Variants in CEMIP observed in about 807,000 individuals in gnomAD.
CEMIP encodes the protein cell migration-inducing and hyaluronan-binding protein.
A neutral mutation model predicts 156.9 loss-of-function variants in CEMIP; 105 were observed. The ratio of observed to expected loss-of-function variants is 0.67; its 90% CI spans 0.57 to 0.79. The LOEUF (loss-of-function observed/expected upper bound fraction) is 0.79, where lower values mean the gene tolerates loss of function less well. Ranked by LOEUF, CEMIP falls within the 30% of genes least tolerant of loss-of-function variation. CEMIP has a pLI of 0.00. For missense variants in CEMIP, 1,457 were observed against 1,769.4 expected, an observed-to-expected ratio of 0.82 and a Z score of 3.17; for synonymous variants, 676 against 668.4, an observed-to-expected ratio of 1.01 and a Z score of -0.17.
intron 1 of CEMIP, among the ~76,000 whole-genome samples, chr15:80,848,344 C>A (rs1231757248): frequency 1.3e-5 from 2 of 152,180 alleles, no homozygotes; most frequent in Non-Finnish European, 2.9e-5. Context: ...TAGTTCTGGA[C>A]AGCCGCCCCT....
intron 1 of CEMIP, among the ~76,000 whole-genome samples, chr15:80,800,061 G>GTGTGTA (rs1896338748): frequency 6.6e-6 from 1 of 150,954 alleles, no homozygotes; most frequent in African/African-American, 2.4e-5. Flanking sequence ...GTGTGTGTGT[G>GTGTGTA]TAGACGGGAT....
chr15:80,857,486 GAA>G (rs1897881158), intron 1 of CEMIP, among the ~76,000 whole-genome samples: 1 of 152,196 alleles, frequency 6.6e-6, no homozygotes, highest in African/African-American at 2.4e-5. Flanking sequence ...AAGGAGAATG[GAA>G]AGAGATGCAC....
chr15:80,837,810 A>G (rs1464979878), intron 1 of CEMIP, among the ~76,000 whole-genome samples: 1 of 152,248 alleles, frequency 6.6e-6, no homozygotes, highest in Non-Finnish European at 1.5e-5. Context: ...CATGGTATAG[A>G]CATGGGCAGT....
intron 5 of CEMIP, among the ~76,000 whole-genome samples, chr15:80,880,491 C>T (rs1246475758): frequency 3.3e-5 from 5 of 152,202 alleles, no homozygotes; most frequent in Non-Finnish European, 5.9e-5. Context: ...GGCTGGAGTG[C>T]AGTGGCATGA....
chr15:80,893,101 C>T (rs1353792665), intron 10 of CEMIP, among the ~76,000 whole-genome samples: 12 of 151,928 alleles, frequency 7.9e-5, no homozygotes, highest in Non-Finnish European at 1.6e-4. Context: ...GCAGAAGAAT[C>T]GCTTGAACAG....
At chr15:80,887,445 A>G (rs1232138649) in intron 7 of CEMIP, among the ~76,000 whole-genome samples, 1 of 152,130 alleles carries the variant, frequency 6.6e-6, no homozygotes, top group Non-Finnish European at 1.5e-5. Flanking sequence ...GCCAGAATGG[A>G]GCTGAAGAGG....
At chr15:80,927,820 T>C (rs771347557) in intron 19 of CEMIP, among the ~76,000 whole-genome samples, 6 of 152,040 alleles carry the variant, frequency 3.9e-5, no homozygotes, top group Non-Finnish European at 8.8e-5. Context: ...GAGATAAGAC[T>C]CAGGAAGTTT....
chr15:80,923,653 G>C (rs1008414737), intron 17 of CEMIP, among the ~76,000 whole-genome samples: 1 of 152,220 alleles, frequency 6.6e-6, no homozygotes, highest in Non-Finnish European at 1.5e-5. Context: ...GGATGGATTC[G>C]ATTGTCTAAG....
intron 1 of CEMIP, among the ~76,000 whole-genome samples, chr15:80,867,114 G>A (rs1046355513): frequency 3.3e-5 from 5 of 152,184 alleles, no homozygotes; most frequent in African/African-American, 1.2e-4. Context: ...GGGTGAACTA[G>A]ATCCTTGCTG....
chr15:80,797,653 G>A (rs1896265165), intron 1 of CEMIP, among the ~76,000 whole-genome samples: 1 of 31,268 alleles, frequency 3.2e-5, no homozygotes, highest in African/African-American at 8.6e-5. Context: ...CTAACACACG[G>A]TTCTTTAGCT....
At chr15:80,936,355 T>A (rs2141959777) in intron 23 of CEMIP, among the ~76,000 whole-genome samples, 1 of 152,350 alleles carries the variant, frequency 6.6e-6, no homozygotes, top group East Asian at 1.9e-4. Context: ...TCCGTCCACA[T>A]CTCTGTCCTT....
chr15:80,804,836 G>A (rs1040191515), intron 1 of CEMIP, among the ~76,000 whole-genome samples: 1 of 152,178 alleles, frequency 6.6e-6, no homozygotes, highest in Admixed American at 6.5e-5. Flanking sequence ...TAGGGGACAA[G>A]CAAAAGGGCC....
chr15:80,929,247 T>G, intron 21 of CEMIP, 73 bp downstream of exon 21: 1 of 1,551,298 alleles, frequency 6.4e-7, no homozygotes, highest in African/African-American at 1.4e-5. Flanking sequence ...GGGAAAAAGT[T>G]AATGGGTAGT....
At chr15:80,781,359 T>C (rs1353185646) in intron 1 of CEMIP, among the ~76,000 whole-genome samples, 1 of 152,230 alleles carries the variant, frequency 6.6e-6, no homozygotes, top group Admixed American at 6.5e-5. Flanking sequence ...AATAGTTTTG[T>C]TCAAAGCCCA....
At chr15:80,900,223 A>G (rs1169421737) in intron 12 of CEMIP, among the ~76,000 whole-genome samples, 10 of 152,162 alleles carry the variant, frequency 6.6e-5, no homozygotes. Flanking sequence ...GCCTCAGCCT[A>G]CAGTGGGGTT....
At chr15:80,818,134 C>T (rs998978481) in intron 1 of CEMIP, among the ~76,000 whole-genome samples, 2 of 152,096 alleles carry the variant, frequency 1.3e-5, no homozygotes, top group Admixed American at 1.3e-4. Context: ...CAGCTTACTA[C>T]AAAAAAATAT....
intron 1 of CEMIP, among the ~76,000 whole-genome samples, chr15:80,841,212 A>G (rs1287310440): frequency 6.6e-6 from 1 of 152,186 alleles, no homozygotes; most frequent in East Asian, 1.9e-4. Flanking sequence ...AACTTCCCCA[A>G]TTTAAAAAAT....
chr15:80,946,902 C>A, intron 28 of CEMIP, 63 bp from the exon 29 acceptor site: 1 of 1,123,814 alleles, frequency 8.9e-7, no homozygotes. Context: ...CAACATCCCT[C>A]CCCATGCCCA....
chr15:80,923,372 C>T (rs1338199429), intron 17 of CEMIP, among the ~76,000 whole-genome samples: 1 of 152,030 alleles, frequency 6.6e-6, no homozygotes, highest in African/African-American at 2.4e-5. Context: ...CTGTTGGTGG[C>T]AGGGGGAACA....
Sources: gnomAD v4.1 joint callset for allele counts (sites outside exome capture counted in the v4.1 genomes callset) on GRCh38, gnomAD v4.1.1 for gene constraint, MANE v1.5 for transcripts, NCBI Gene and HGNC (gene_info 2026-07-23, HGNC 2026-07-21) for gene names.